The following PTPRD variants were observed in gnomAD, a reference collection of about 807,000 sequenced individuals.
PTPRD encodes protein tyrosine phosphatase receptor type D.
Under a neutral mutation model 214.5 loss-of-function variants are expected in PTPRD, and 34 were observed. The ratio of observed to expected loss-of-function variants is 0.16; its 90% CI spans 0.12 to 0.21. PTPRD has a LOEUF of 0.21. PTPRD is among the 10% of genes least tolerant of loss of function. PTPRD has a pLI of 1.00. For missense variants in PTPRD, 2,545 were observed against 2,398.7 expected (o/e 1.06, Z -1.27); for synonymous variants, 1,128 against 845.7 (o/e 1.33, Z -5.79).
intron 14 of PTPRD, among the ~76,000 whole-genome samples, chr9:8,624,119 G>A (rs572549692): frequency 1.3e-5 from 2 of 151,952 alleles, no homozygotes; most frequent in East Asian, 3.9e-4. Flanking sequence ...GAGTTAGGCA[G>A]TTGAAGCAAT....
At chr9:9,180,160 C>A (rs535114682) in intron 10 of PTPRD, among the ~76,000 whole-genome samples, 2 of 151,194 alleles carry the variant, frequency 1.3e-5, no homozygotes, top group Non-Finnish European at 3.0e-5. Context: ...ATGTTTATTG[C>A]GGCACTATTC....
rs369184489 is a variant in PTPRD at position 8,341,647 on chromosome 9, C to A, written c.4947+46G>T. 1.0e-5 allele frequency: 16 copies of A among 1,594,032 alleles called. No individual in the cohort carries two copies. The African/African-American group carries it at 1.5e-4, about 15-fold the overall frequency. ...TAAAGCCACGACTCAAAGACAAACCCAGAATGACTTGCTCCTGAATAACCA... is the reference window on the plus strand; with the variant it reads ...TAAAGCCACGACTCAAAGACAAACCAAGAATGACTTGCTCCTGAATAACCA... On this transcript the variant is annotated intron_variant, in intron 40 of 45. Coordinates refer to ENST00000381196, the MANE Select transcript of PTPRD (RefSeq NM_002839.4).
At chr9:9,920,808 A>C (rs776605444) in intron 5 of PTPRD, among the ~76,000 whole-genome samples, 1 of 152,102 alleles carries the variant, frequency 6.6e-6, no homozygotes, top group African/African-American at 2.4e-5. Flanking sequence ...TTATTTAAAA[A>C]CTGAGTAGAG....
intron 9 of PTPRD, among the ~76,000 whole-genome samples, chr9:9,368,351 A>G (rs2058463619): frequency 6.6e-6 from 1 of 151,852 alleles, no homozygotes; most frequent in Non-Finnish European, 1.5e-5. Flanking sequence ...AATCGGGCAT[A>G]GGAAAAGACA....
At chr9:8,838,894 A>C (rs976755544) in intron 11 of PTPRD, among the ~76,000 whole-genome samples, 1 of 152,152 alleles carries the variant, frequency 6.6e-6, no homozygotes, top group Admixed American at 6.5e-5. Flanking sequence ...AATTCTAAAC[A>C]TAAAATGAAT....
intron 30 of PTPRD, among the ~76,000 whole-genome samples, chr9:8,474,745 T>A (rs1217799168): frequency 6.6e-6 from 1 of 152,104 alleles, no homozygotes; most frequent in African/African-American, 2.4e-5. Context: ...AAAGAGAAAA[T>A]GCAAAGATTC....
At chr9:8,674,729 T>A (rs2097365401) in intron 12 of PTPRD, among the ~76,000 whole-genome samples, 1 of 152,168 alleles carries the variant, frequency 6.6e-6, no homozygotes. Flanking sequence ...TGGGCTAGAT[T>A]ATGATTAAGG....
chr9:9,368,508 G>C (rs1334653892), intron 9 of PTPRD, among the ~76,000 whole-genome samples: 1 of 151,702 alleles, frequency 6.6e-6, no homozygotes, highest in Non-Finnish European at 1.5e-5. Flanking sequence ...ATGAGTGTTG[G>C]GGACTGATGT....
At chr9:10,283,852 C>T (rs2095244893) in intron 3 of PTPRD, among the ~76,000 whole-genome samples, 1 of 152,118 alleles carries the variant, frequency 6.6e-6, no homozygotes, top group Non-Finnish European at 1.5e-5. Context: ...ATCTGCCATT[C>T]TGAAACTGGT....
At chr9:9,431,660 T>G (rs1035496192) in intron 8 of PTPRD, among the ~76,000 whole-genome samples, 2 of 152,098 alleles carry the variant, frequency 1.3e-5, no homozygotes, top group Non-Finnish European at 2.9e-5. Context: ...AACCCAAATG[T>G]CCAACAATGA....
intron 3 of PTPRD, among the ~76,000 whole-genome samples, chr9:10,256,638 A>G (rs1157231914): frequency 2.0e-5 from 3 of 152,176 alleles, no homozygotes; most frequent in African/African-American, 7.2e-5. Flanking sequence ...GAGAAATTCA[A>G]CTAATCAGTT....
chr9:10,417,815 G>T (rs1036784180), intron 2 of PTPRD, among the ~76,000 whole-genome samples: 2 of 151,706 alleles, frequency 1.3e-5, no homozygotes, highest in Non-Finnish European at 2.9e-5. Flanking sequence ...TTAGAGAAGC[G>T]ATCTAGTCTT....
chr9:9,824,421 C>T (rs34561656), intron 5 of PTPRD, among the ~76,000 whole-genome samples: 2,930 of 151,948 alleles, frequency 0.019, 56 homozygotes, highest in South Asian at 0.035. Flanking sequence ...TTTGTCATAC[C>T]TACCATTCAT....
chr9:8,536,816 T>A (rs908190535), intron 14 of PTPRD, among the ~76,000 whole-genome samples: 1 of 151,992 alleles, frequency 6.6e-6, no homozygotes, highest in African/African-American at 2.4e-5. Flanking sequence ...ATGGGACTAA[T>A]AATGACTACT....
At chr9:9,040,308 C>A (rs1424689806) in intron 10 of PTPRD, among the ~76,000 whole-genome samples, 2 of 152,142 alleles carry the variant, frequency 1.3e-5, no homozygotes, top group African/African-American at 4.8e-5. Context: ...ACATATACTG[C>A]CTGGCAGAGT....
intron 2 of PTPRD, among the ~76,000 whole-genome samples, chr9:10,427,756 A>G (rs1347261384): frequency 1.3e-5 from 2 of 151,978 alleles, no homozygotes; most frequent in African/African-American, 4.8e-5. Flanking sequence ...AGAAAAATCA[A>G]CCCACTGGGG....
At chr9:8,626,435 A>G (rs538155755) in intron 14 of PTPRD, among the ~76,000 whole-genome samples, 2 of 151,920 alleles carry the variant, frequency 1.3e-5, no homozygotes, top group African/African-American at 2.4e-5. Context: ...CTTCTGCTCA[A>G]TTCTGACCTA....
chr9:8,915,336 G>C lies in PTPRD; in HGVS notation c.-104+103361C>G, dbSNP rs184353340. 2.0e-3 allele frequency among the ~76,000 whole-genome samples: 310 copies of C among 152,202 alleles called. 1 individual carries two copies. Among genetic ancestry groups the C allele is most frequent in the Admixed American group, 3.5e-3 (54 of 15,280 alleles). On this transcript the variant is annotated intron_variant, in intron 11 of 45. Coordinates refer to ENST00000381196, the MANE Select transcript of PTPRD (RefSeq NM_002839.4). ...CGAAGATGCTACAACACTAATATAA[G>C]TAAAAGACAGAACTCTGGTGGTGAC...
At chr9:10,347,231 T>G (rs1026345055) in intron 2 of PTPRD, among the ~76,000 whole-genome samples, 1 of 152,036 alleles carries the variant, frequency 6.6e-6, no homozygotes, top group Non-Finnish European at 1.5e-5. Context: ...GTCCTGCCTC[T>G]ATGAGCATAT....
Sources: allele counts gnomAD v4.1 joint callset (sites outside exome capture counted in the v4.1 genomes callset), GRCh38; gene constraint gnomAD v4.1.1; transcripts MANE v1.5; gene names NCBI Gene and HGNC (gene_info 2026-07-23, HGNC 2026-07-21).